The following RSU1 variants were observed in gnomAD, a reference collection of about 807,000 sequenced individuals.
RSU1 encodes Ras suppressor protein 1, also known as rsu-1.
A neutral mutation model predicts 31.1 loss-of-function variants in RSU1; 26 were observed. That is an observed-to-expected ratio of 0.84 (90% CI 0.61 to 1.16). The LOEUF (loss-of-function observed/expected upper bound fraction) is 1.16. RSU1 is among the 50% of genes most tolerant of loss of function. The probability of loss-of-function intolerance (pLI) is 0.00; values close to 1 mark genes in which losing one functional copy is unlikely to be tolerated. For synonymous variants in RSU1, 164 were observed against 136.3 expected, an observed-to-expected ratio of 1.20 and a Z score of -1.41; for missense variants, 320 against 339.1, an observed-to-expected ratio of 0.94 and a Z score of 0.44.
rs1226524073 is a variant in RSU1, at chr10:16,622,925, A to G, written c.732-29429T>C. The stretch of plus-strand genomic sequence containing the variant: ...TACAATTCAATGATCTGAATGTCTA[A>G]GTATGAAATTAGGAGAGAGCTGCAT... On this transcript the variant is annotated intron_variant, in intron 8 of 8. Transcript: ENST00000345264. Among the ~76,000 whole-genome samples, 7 of 152,256 alleles carry G rather than the reference A, an allele frequency of 4.6e-5. No homozygotes were observed. In the East Asian group the frequency reaches 1.3e-3, roughly 29 times the overall value.
chr10:16,802,116 T>C (rs1234878849), intron 2 of RSU1, among the ~76,000 whole-genome samples: 7 of 149,406 alleles, frequency 4.7e-5, no homozygotes, highest in African/African-American at 7.4e-5. Flanking sequence ...GGGGAAATAA[T>C]AGAGAAAATC....
chr10:16,679,889 T>G (rs1362948672), intron 8 of RSU1, among the ~76,000 whole-genome samples: 5 of 146,056 alleles, frequency 3.4e-5, no homozygotes, highest in African/African-American at 8.0e-5. Flanking sequence ...TTTTTTTTTT[T>G]TTTTTTTTAT....
intron 8 of RSU1, among the ~76,000 whole-genome samples, chr10:16,654,933 AC>A (rs1008998163): frequency 3.3e-5 from 5 of 150,846 alleles, no homozygotes; most frequent in Admixed American, 6.6e-5. Flanking sequence ...GTGTGGTGGC[AC>A]GTGCCTGTAG....
intron 4 of RSU1, among the ~76,000 whole-genome samples, chr10:16,760,553 C>G (rs1837191316): frequency 6.6e-6 from 1 of 151,762 alleles, no homozygotes; most frequent in South Asian, 2.1e-4. Context: ...CGACTCTGTC[C>G]TCTGCTGCCT....
intron 8 of RSU1, among the ~76,000 whole-genome samples, chr10:16,643,367 T>C (rs915780469): frequency 2.6e-5 from 4 of 152,224 alleles, no homozygotes; most frequent in African/African-American, 7.2e-5. Context: ...TAAATAATGC[T>C]CATACATTAA....
intron 4 of RSU1, among the ~76,000 whole-genome samples, chr10:16,757,400 G>A (rs577765094): frequency 3.3e-5 from 5 of 152,130 alleles, no homozygotes; most frequent in African/African-American, 1.2e-4. Context: ...CAGCAGAGGG[G>A]GCAACCAAAA....
intron 8 of RSU1, among the ~76,000 whole-genome samples, chr10:16,689,733 T>C (rs777354104): frequency 4.6e-5 from 7 of 152,186 alleles, no homozygotes; most frequent in Admixed American, 6.5e-5. Context: ...AATAATAGTA[T>C]GGCTGGTCTT....
At chr10:16,627,960 C>T (rs1221003133) in intron 8 of RSU1, among the ~76,000 whole-genome samples, 1 of 152,082 alleles carries the variant, frequency 6.6e-6, no homozygotes, top group African/African-American at 2.4e-5. Context: ...TCTCCAGCTC[C>T]TCCATCCAGA....
At chr10:16,637,251 A>G (rs1055807065) in intron 8 of RSU1, among the ~76,000 whole-genome samples, 1 of 152,234 alleles carries the variant, frequency 6.6e-6, no homozygotes, top group African/African-American at 2.4e-5. Flanking sequence ...TTATCTGTTA[A>G]TTCAGTAAAC....
intron 3 of RSU1, among the ~76,000 whole-genome samples, chr10:16,770,780 C>T (rs1244900774): frequency 2.6e-5 from 4 of 152,188 alleles, no homozygotes; most frequent in East Asian, 1.9e-4. Flanking sequence ...GGTGGCATCG[C>T]GGCATGTCCG....
At chr10:16,750,559 C>A (rs984782942) in intron 7 of RSU1, among the ~76,000 whole-genome samples, 1 of 152,096 alleles carries the variant, frequency 6.6e-6, no homozygotes, top group African/African-American at 2.4e-5. Flanking sequence ...ATTTTTGTGG[C>A]AAATTACTGT....
intron 8 of RSU1, among the ~76,000 whole-genome samples, chr10:16,662,282 T>C (rs1219788397): frequency 6.6e-6 from 1 of 152,348 alleles, no homozygotes. Context: ...GCCCATGGTG[T>C]CTACAGACAG....
At chr10:16,604,794 T>TCCTGTCACCCTGGGTGC (rs1833773439) in intron 8 of RSU1, among the ~76,000 whole-genome samples, 1 of 152,160 alleles carries the variant, frequency 6.6e-6, no homozygotes, top group Non-Finnish European at 1.5e-5. Flanking sequence ...CATCAGGGTG[T>TCCTGTCACCCTGGGTGC]CCTGTCACCC....
chr10:16,693,433 C>A (rs1835604962), intron 8 of RSU1, among the ~76,000 whole-genome samples: 1 of 150,340 alleles, frequency 6.7e-6, no homozygotes, highest in African/African-American at 2.5e-5. Context: ...TGGCCTGGCA[C>A]AGATTCACAG....
chr10:16,755,271 C>G (rs553352340), intron 4 of RSU1, among the ~76,000 whole-genome samples: 1 of 151,954 alleles, frequency 6.6e-6, no homozygotes, highest in Non-Finnish European at 1.5e-5. Flanking sequence ...CACAGATGCA[C>G]GCCACCACGC....
intron 7 of RSU1, among the ~76,000 whole-genome samples, chr10:16,706,840 G>T (rs750271162): frequency 6.6e-6 from 1 of 152,064 alleles, no homozygotes; most frequent in Admixed American, 6.6e-5. Flanking sequence ...CTGTCTAAAT[G>T]TAACTATGTA....
chr10:16,691,185 A>G (rs927355560), intron 8 of RSU1, among the ~76,000 whole-genome samples: 2 of 152,224 alleles, frequency 1.3e-5, no homozygotes, highest in African/African-American at 4.8e-5. Context: ...GCTAATTCGC[A>G]TAATATTTTT....
At chr10:16,655,600 ATTG>A (rs1834763300) in intron 8 of RSU1, among the ~76,000 whole-genome samples, 1 of 152,212 alleles carries the variant, frequency 6.6e-6, no homozygotes, top group Admixed American at 6.5e-5. Flanking sequence ...TATTCATAAA[ATTG>A]TTAATTATAT....
chr10:16,666,379 C>A (rs1834987829), intron 8 of RSU1, among the ~76,000 whole-genome samples: 1 of 152,168 alleles, frequency 6.6e-6, no homozygotes, highest in Non-Finnish European at 1.5e-5. Context: ...CCTTCTCCTG[C>A]AGTAACTGAA....
Sources: allele counts gnomAD v4.1 joint callset (sites outside exome capture counted in the v4.1 genomes callset), GRCh38; gene constraint gnomAD v4.1.1; transcripts MANE v1.5; gene names NCBI Gene and HGNC (gene_info 2026-07-23, HGNC 2026-07-21).